MAST4: variants seen among roughly 807,000 people sequenced by gnomAD.
MAST4 encodes the protein microtubule associated serine/threonine kinase family member 4.
In MAST4, 89 loss-of-function variants were observed where a neutral mutation model predicts 162.7. That is an observed-to-expected ratio of 0.55 (90% CI 0.46 to 0.65). The LOEUF is 0.65. Ranked by LOEUF, MAST4 falls within the 30% of genes least tolerant of loss-of-function variation. MAST4 has a pLI of 0.00. For synonymous variants in MAST4, 1,479 were observed against 1,361.1 expected (o/e 1.09, Z -1.91); for missense variants, 3,153 against 3,374.0 (o/e 0.93, Z 1.62).
chr5:66,837,048 G>GTGTGTA (rs1758024016), intron 3 of MAST4, among the ~76,000 whole-genome samples: 1 of 151,912 alleles, frequency 6.6e-6, no homozygotes, highest in Admixed American at 6.6e-5. Context: ...GTGTGTGTGT[G>GTGTGTA]TGTGTATGTA....
chr5:67,038,594 A>T (rs1241187231), intron 4 of MAST4, among the ~76,000 whole-genome samples: 2 of 152,184 alleles, frequency 1.3e-5, no homozygotes, highest in Non-Finnish European at 2.9e-5. Context: ...TTGTCCTGTG[A>T]AACTGTTTAT....
intron 4 of MAST4, among the ~76,000 whole-genome samples, chr5:66,932,007 C>G (rs1742244738): frequency 2.0e-5 from 3 of 152,130 alleles, no homozygotes; most frequent in Admixed American, 6.6e-5. Flanking sequence ...AATAGCTTAG[C>G]TGGTAAGAAA....
chr5:66,850,845 G>C (rs183011015), intron 3 of MAST4, among the ~76,000 whole-genome samples: 155 of 151,530 alleles, frequency 1.0e-3, no homozygotes, highest in Middle Eastern at 3.4e-3. Context: ...CCATTTCAGA[G>C]TGTTCATTAA....
chr5:66,956,121 CCTT>C (rs1270451280), intron 4 of MAST4, among the ~76,000 whole-genome samples: 2 of 152,056 alleles, frequency 1.3e-5, no homozygotes, highest in African/African-American at 4.8e-5. Context: ...CTGTGCCTGG[CCTT>C]CTTTTAAACT....
chr5:66,718,103 C>T (rs984019709), intron 1 of MAST4, among the ~76,000 whole-genome samples: 18 of 151,396 alleles, frequency 1.2e-4, no homozygotes, highest in Non-Finnish European at 1.9e-4. Flanking sequence ...TTCAAAGGCT[C>T]TTTTCAGAGT....
intron 3 of MAST4, among the ~76,000 whole-genome samples, chr5:66,845,086 TATATATATA>T: frequency 9.6e-5 from 1 of 10,442 alleles, no homozygotes; most frequent in Non-Finnish European, 1.9e-4. Context: ...CACTAATCTT[TATATATATA>T]TATATATATA....
intron 1 of MAST4, among the ~76,000 whole-genome samples, chr5:66,655,683 A>T (rs1202331163): frequency 6.6e-6 from 1 of 152,202 alleles, no homozygotes; most frequent in Non-Finnish European, 1.5e-5. Flanking sequence ...TCTCAAGTTT[A>T]CACCCAATTT....
At chr5:66,907,903 A>G (rs1025419116) in intron 4 of MAST4, among the ~76,000 whole-genome samples, 2 of 152,224 alleles carry the variant, frequency 1.3e-5, no homozygotes, top group Non-Finnish European at 2.9e-5. Context: ...TTTAAAATAA[A>G]TTTAGTTTTC....
chr5:66,801,786 T>C (rs1755934957), intron 3 of MAST4, among the ~76,000 whole-genome samples: 1 of 152,252 alleles, frequency 6.6e-6, no homozygotes, highest in Non-Finnish European at 1.5e-5. Flanking sequence ...ATTTCAAAGC[T>C]AATTATGTTA....
chr5:66,991,257 G>A (rs912794998), intron 4 of MAST4, among the ~76,000 whole-genome samples: 4 of 152,190 alleles, frequency 2.6e-5, no homozygotes, highest in African/African-American at 9.6e-5. Flanking sequence ...TTTTGGTATG[G>A]CTCATATTTA....
intron 26 of MAST4, among the ~76,000 whole-genome samples, chr5:67,159,934 A>C (rs1359522156): frequency 6.6e-6 from 1 of 152,228 alleles, no homozygotes; most frequent in Non-Finnish European, 1.5e-5. Flanking sequence ...CGGTTTTGTT[A>C]CTCTACAATT....
chr5:67,083,409 A>G (rs1053624548), intron 5 of MAST4, among the ~76,000 whole-genome samples: 1 of 152,198 alleles, frequency 6.6e-6, no homozygotes, highest in African/African-American at 2.4e-5. Flanking sequence ...AAAGAGATTT[A>G]TAATAGAGAA....
intron 3 of MAST4, among the ~76,000 whole-genome samples, chr5:66,836,832 G>C (rs1363514932): frequency 6.6e-6 from 1 of 151,966 alleles, no homozygotes; most frequent in Non-Finnish European, 1.5e-5. Flanking sequence ...ATGACATAGG[G>C]GGTGCTATGC....
chr5:67,063,559 A>G (rs1464069416), intron 5 of MAST4, among the ~76,000 whole-genome samples: 6 of 152,134 alleles, frequency 3.9e-5, no homozygotes, highest in Admixed American at 3.9e-4. Flanking sequence ...TTATAAATTA[A>G]AGCTGTTGGA....
chr5:66,858,975 T>A (rs1298806076), intron 3 of MAST4, among the ~76,000 whole-genome samples: 1 of 152,118 alleles, frequency 6.6e-6, no homozygotes, highest in Non-Finnish European at 1.5e-5. Flanking sequence ...CTAGTATATA[T>A]AAATACTATT....
At chr5:66,892,264 A>G (rs974097549) in intron 3 of MAST4, among the ~76,000 whole-genome samples, 1 of 152,208 alleles carries the variant, frequency 6.6e-6, no homozygotes, top group East Asian at 1.9e-4. Context: ...AACAAGAAAC[A>G]TTGGGGAAGA....
intron 4 of MAST4, among the ~76,000 whole-genome samples, chr5:66,990,942 T>A (rs11346526): frequency 1.8e-4 from 1 of 5,452 alleles, no homozygotes; most frequent in African/African-American, 4.2e-4. Context: ...TTCTTTGGAT[T>A]AAAAAAATAG....
At chr5:66,818,486 T>C (rs752481460) in intron 3 of MAST4, among the ~76,000 whole-genome samples, 1 of 152,078 alleles carries the variant, frequency 6.6e-6, no homozygotes, top group Non-Finnish European at 1.5e-5. Context: ...GTTTAAACAT[T>C]GTAATTTCCA....
At chr5:67,054,193 T>C (rs1181929423) in intron 4 of MAST4, among the ~76,000 whole-genome samples, 1 of 152,170 alleles carries the variant, frequency 6.6e-6, no homozygotes, top group Admixed American at 6.5e-5. Context: ...GTGAGGAATA[T>C]TGATGGTGTT....
Sources: gnomAD v4.1 joint callset for allele counts (sites outside exome capture counted in the v4.1 genomes callset) on GRCh38, gnomAD v4.1.1 for gene constraint, MANE v1.5 for transcripts, NCBI Gene and HGNC (gene_info 2026-07-23, HGNC 2026-07-21) for gene names.